Variants in ROBO1 observed in about 807,000 individuals in gnomAD.
ROBO1 encodes roundabout homolog 1.
Under a neutral mutation model 195.9 loss-of-function variants are expected in ROBO1, and 149 were observed. The observed-to-expected ratio is 0.76, with a 90% CI of 0.67 to 0.87. The LOEUF is 0.87. ROBO1 is among the 40% of genes least tolerant of loss of function. The pLI, the probability that ROBO1 is intolerant of heterozygous loss-of-function variation, is 0.00. For missense variants in ROBO1, 1,933 were observed against 2,068.3 expected, an observed-to-expected ratio of 0.93 and a Z score of 1.27; for synonymous variants, 816 against 733.2, an observed-to-expected ratio of 1.11 and a Z score of -1.82.
At chr3:79,711,289 T>TA (rs1268433315) in intron 1 of ROBO1, among the ~76,000 whole-genome samples, 1 of 152,124 alleles carries the variant, frequency 6.6e-6, no homozygotes, top group Non-Finnish European at 1.5e-5. Flanking sequence ...CCTATACTGT[T>TA]CATCAACTTG....
chr3:79,425,048 G>A (rs942605486), intron 2 of ROBO1, among the ~76,000 whole-genome samples: 3 of 152,132 alleles, frequency 2.0e-5, no homozygotes, highest in Admixed American at 2.0e-4. Context: ...TGGGATTCTA[G>A]AGCTAGGTTC....
Position 79,349,571 on chromosome 3 carries a change from A to G in ROBO1, c.89-224032T>C, listed in dbSNP as rs151332156. On this transcript the variant is annotated intron_variant, in intron 2 of 30. Coordinates refer to ENST00000464233, the MANE Select transcript of ROBO1 (RefSeq NM_002941.4). ...CTCACATTATCCATTTTCAAAGCTTACCTCCAAAGCAACAGTAATCAAGAC... is the reference window on the plus strand; with the variant it reads ...CTCACATTATCCATTTTCAAAGCTTGCCTCCAAAGCAACAGTAATCAAGAC... Among the ~76,000 whole-genome samples, 3 of 152,316 alleles carry G rather than the reference A, an allele frequency of 2.0e-5. No homozygotes were observed. The East Asian group carries it at 5.8e-4, about 29-fold the overall frequency.
intron 10 of ROBO1, among the ~76,000 whole-genome samples, chr3:78,679,753 T>C (rs1422227768): frequency 6.6e-6 from 1 of 152,160 alleles, no homozygotes; most frequent in Non-Finnish European, 1.5e-5. Context: ...ATGGCCATAC[T>C]GCCCAAGGTA....
At chr3:79,691,168 G>A (rs936643820) in intron 1 of ROBO1, among the ~76,000 whole-genome samples, 4 of 151,660 alleles carry the variant, frequency 2.6e-5, no homozygotes, top group Admixed American at 2.0e-4. Flanking sequence ...TTAATGAGAT[G>A]GTTTCTTTAC....
chr3:79,148,130 C>A (rs1012421035), intron 2 of ROBO1, among the ~76,000 whole-genome samples: 1 of 151,818 alleles, frequency 6.6e-6, no homozygotes, highest in Non-Finnish European at 1.5e-5. Flanking sequence ...TTTGATTCCT[C>A]CCTCTTCTTT....
At chr3:79,756,576 A>G (rs950433703) in intron 1 of ROBO1, among the ~76,000 whole-genome samples, 1 of 148,176 alleles carries the variant, frequency 6.7e-6, no homozygotes, top group African/African-American at 2.5e-5. Flanking sequence ...AAAAAAAAGT[A>G]GAGATATTTT....
intron 2 of ROBO1, among the ~76,000 whole-genome samples, chr3:79,198,785 G>A (rs1022689500): frequency 2.6e-5 from 4 of 151,750 alleles, no homozygotes; most frequent in Non-Finnish European, 4.4e-5. Flanking sequence ...TAGGTATTTT[G>A]TTCTCTTTGC....
chr3:79,348,332 A>G (rs1462987273), intron 2 of ROBO1, among the ~76,000 whole-genome samples: 1 of 152,164 alleles, frequency 6.6e-6, no homozygotes, highest in African/African-American at 2.4e-5. Context: ...TAACACAAGT[A>G]ACAGAAGCAC....
chr3:78,631,197 C>A lies in ROBO1; in HGVS notation c.3590G>T (p.Ser1197Ile), dbSNP rs1705160744. ...PPPPAHPPPH[S>I]NSEEYNISVD... is the part of the protein sequence containing the mutation. ...AGAAATGTTGTACTCTTCGCTATTG[C>A]TGTGTGGAGGAGGATGTGCTGGGGG... The change falls in exon 25 of 31, where the codon AGC (serine) becomes ATC (isoleucine). Residue 1197 changes from serine to isoleucine, a missense_variant. This residue lies in a region of ROBO1 where 1,737 missense variants were observed against 1,882.5 expected (regional missense o/e 0.92). Coordinates refer to ENST00000464233, the MANE Select transcript of ROBO1 (RefSeq NM_002941.4). 6.2e-7 allele frequency: 1 copy of A among 1,612,664 alleles called. No homozygotes were observed. Among genetic ancestry groups the A allele is most frequent in the Non-Finnish European group, 8.5e-7 (1 of 1,179,308 alleles).
intron 2 of ROBO1, among the ~76,000 whole-genome samples, chr3:79,580,413 C>A (rs1295693347): frequency 1.3e-5 from 2 of 150,738 alleles, no homozygotes; most frequent in Non-Finnish European, 3.0e-5. Flanking sequence ...GCCCAGGAGG[C>A]AAAGGTTGCA....
At chr3:78,681,188 T>TG (rs1292900575) in intron 10 of ROBO1, among the ~76,000 whole-genome samples, 1 of 123,286 alleles carries the variant, frequency 8.1e-6, no homozygotes, top group Non-Finnish European at 1.7e-5. Flanking sequence ...TGTTGTGGGG[T>TG]GGGGGGAGTG....
intron 4 of ROBO1, among the ~76,000 whole-genome samples, chr3:78,904,127 CAT>C (rs1328155029): frequency 6.6e-6 from 1 of 151,102 alleles, no homozygotes; most frequent in African/African-American, 2.4e-5. Context: ...ATATATACAA[CAT>C]ATATATACAT....
chr3:79,299,681 A>G (rs897869800), intron 2 of ROBO1, among the ~76,000 whole-genome samples: 4 of 152,160 alleles, frequency 2.6e-5, no homozygotes, highest in Non-Finnish European at 5.9e-5. Context: ...TTTATGAGAA[A>G]ACAAGACTTT....
Position 78,951,135 on chromosome 3 carries a change from C to G in ROBO1, c.173-12208G>C, listed in dbSNP as rs922541987. On this transcript the variant is annotated intron_variant, in intron 3 of 30. Transcript: ENST00000464233. ...AAAGGAAAACTTTAAGGGAGTTACA[C>G]CAAGGCCAAATATGGAAGAGCATAT... 1.6e-4 allele frequency among the ~76,000 whole-genome samples: 25 copies of G among 151,660 alleles called. 1 individual carries two copies. Among genetic ancestry groups the G allele is most frequent in the Non-Finnish European group, 4.4e-5 (3 of 67,950 alleles).
intron 1 of ROBO1, among the ~76,000 whole-genome samples, chr3:79,595,209 G>A (rs1172820670): frequency 6.6e-6 from 1 of 151,720 alleles, no homozygotes; most frequent in Non-Finnish European, 1.5e-5. Context: ...CTAATAGGAG[G>A]GTGATTTTCT....
At chr3:79,657,819 C>T (rs917855113) in intron 1 of ROBO1, among the ~76,000 whole-genome samples, 1 of 152,014 alleles carries the variant, frequency 6.6e-6, no homozygotes, top group East Asian at 1.9e-4. Flanking sequence ...TGGTGTTTTG[C>T]TGCTTGAAAC....
At chr3:79,105,264 G>GA (rs1454434263) in intron 3 of ROBO1, among the ~76,000 whole-genome samples, 1 of 151,688 alleles carries the variant, frequency 6.6e-6, no homozygotes, top group African/African-American at 2.4e-5. Flanking sequence ...AGAATCAACA[G>GA]AAAAAGAACC....
chr3:79,696,670 A>C (rs1397970077), intron 1 of ROBO1, among the ~76,000 whole-genome samples: 1 of 151,434 alleles, frequency 6.6e-6, no homozygotes, highest in Non-Finnish European at 1.5e-5. Context: ...AAGGAGGCAG[A>C]GGTAAAAGAA....
intron 4 of ROBO1, among the ~76,000 whole-genome samples, chr3:78,806,649 C>T (rs991140024): frequency 3.9e-5 from 6 of 151,990 alleles, no homozygotes; most frequent in African/African-American, 1.5e-4. Context: ...CTGAAGTATT[C>T]TATTATGTTT....
Sources: gnomAD v4.1 joint callset for allele counts (sites outside exome capture counted in the v4.1 genomes callset) on GRCh38, gnomAD v4.1.1 for gene constraint, gnomAD v4.1.1 regional missense constraint, MANE v1.5 for transcripts, NCBI Gene and HGNC (gene_info 2026-07-23, HGNC 2026-07-21) for gene names.